SETBP1: variants seen among roughly 807,000 people sequenced by gnomAD.
The protein encoded by SETBP1 is SET-binding protein.
In SETBP1, 9 loss-of-function variants were observed where a neutral mutation model predicts 101.0. The observed-to-expected ratio is 0.09, with a 90% confidence interval of 0.05 to 0.16. The LOEUF (loss-of-function observed/expected upper bound fraction) is 0.16. SETBP1 is among the 10% of genes least tolerant of loss of function. The probability of loss-of-function intolerance (pLI) is 1.00; values close to 1 mark genes in which losing one functional copy is unlikely to be tolerated. For synonymous variants in SETBP1, 818 were observed against 788.5 expected, an observed-to-expected ratio of 1.04 and a Z score of -0.63; for missense variants, 1,858 against 2,033.8, an observed-to-expected ratio of 0.91 and a Z score of 1.66.
intron 2 of SETBP1, among the ~76,000 whole-genome samples, chr18:44,842,034 G>T (rs993768837): frequency 1.3e-5 from 2 of 152,214 alleles, no homozygotes; most frequent in African/African-American, 4.8e-5. Flanking sequence ...TGCCTCCCTG[G>T]CTGGGGATTT....
intron 2 of SETBP1, among the ~76,000 whole-genome samples, chr18:44,706,735 C>G (rs916262362): frequency 2.7e-5 from 4 of 150,564 alleles, no homozygotes; most frequent in Non-Finnish European, 4.4e-5. Context: ...GATTCAACAG[C>G]AAGATAAGGG....
chr18:45,018,275 A>G (rs2072990721), intron 4 of SETBP1, among the ~76,000 whole-genome samples: 2 of 152,236 alleles, frequency 1.3e-5, no homozygotes, highest in South Asian at 4.1e-4. Flanking sequence ...CTTATTTATA[A>G]TATTTATAGA....
intron 5 of SETBP1, among the ~76,000 whole-genome samples, chr18:45,042,076 A>G (rs941113008): frequency 2.0e-5 from 3 of 151,962 alleles, no homozygotes; most frequent in African/African-American, 7.3e-5. Context: ...GAGAGGCAGT[A>G]GCTGTATGCT....
intron 1 of SETBP1, among the ~76,000 whole-genome samples, chr18:44,688,466 G>T (rs948511959): frequency 1.3e-5 from 2 of 151,708 alleles, no homozygotes; most frequent in African/African-American, 4.8e-5. Flanking sequence ...TTTGAGCAAT[G>T]AGACCTTTGA....
chr18:44,711,862 A>C (rs1353528581), intron 2 of SETBP1, among the ~76,000 whole-genome samples: 1 of 151,832 alleles, frequency 6.6e-6, no homozygotes, highest in Non-Finnish European at 1.5e-5. Flanking sequence ...GCACTTCACC[A>C]TTTTCCATAA....
intron 4 of SETBP1, among the ~76,000 whole-genome samples, chr18:44,965,793 G>GA (rs2071710065): frequency 6.6e-6 from 1 of 152,160 alleles, no homozygotes. Flanking sequence ...TCTTATAGAG[G>GA]AGAATTCTGT....
At chr18:44,795,082 A>G (rs946926917) in intron 2 of SETBP1, among the ~76,000 whole-genome samples, 6 of 152,228 alleles carry the variant, frequency 3.9e-5, no homozygotes, top group Non-Finnish European at 7.3e-5. Flanking sequence ...TAAGTGCAAT[A>G]AATCTAGTAT....
chr18:44,961,024 C>T (rs576197051), intron 4 of SETBP1, among the ~76,000 whole-genome samples: 25 of 152,176 alleles, frequency 1.6e-4, no homozygotes, highest in Non-Finnish European at 1.8e-4. Flanking sequence ...GAAATCAGAG[C>T]GGAAACCCAG....
chr18:44,937,708 G>A (rs957993127), intron 3 of SETBP1, among the ~76,000 whole-genome samples: 1 of 152,070 alleles, frequency 6.6e-6, no homozygotes, highest in East Asian at 1.9e-4. Context: ...CTCCACCTGG[G>A]AGCTTATTAG....
At chr18:44,723,967 G>A (rs748258896) in intron 2 of SETBP1, among the ~76,000 whole-genome samples, 44 of 152,152 alleles carry the variant, frequency 2.9e-4, no homozygotes, top group Non-Finnish European at 4.4e-4. Flanking sequence ...CGTTTTTAAC[G>A]AGCCAAGAGA....
At chr18:44,817,513 A>G (rs563598889) in intron 2 of SETBP1, among the ~76,000 whole-genome samples, 41 of 151,842 alleles carry the variant, frequency 2.7e-4, no homozygotes, top group Non-Finnish European at 5.6e-4. Context: ...GTGAAACCCC[A>G]TCTCTACTAA....
At chr18:44,911,985 T>G (rs2070321323) in intron 3 of SETBP1, among the ~76,000 whole-genome samples, 1 of 151,806 alleles carries the variant, frequency 6.6e-6, no homozygotes, top group Non-Finnish European at 1.5e-5. Context: ...AGGCAGTAGG[T>G]GACAATTAAT....
At chr18:45,010,788 A>G (rs930630472) in intron 4 of SETBP1, among the ~76,000 whole-genome samples, 2 of 152,192 alleles carry the variant, frequency 1.3e-5, no homozygotes, top group Non-Finnish European at 2.9e-5. Context: ...CCTTACGACA[A>G]CTCTGTAAAG....
At chr18:44,692,178 A>G (rs1202455246) in intron 1 of SETBP1, among the ~76,000 whole-genome samples, 1 of 152,232 alleles carries the variant, frequency 6.6e-6, no homozygotes, top group Non-Finnish European at 1.5e-5. Flanking sequence ...ACTTAGTCAA[A>G]TGCTAGCTTG....
At chr18:44,781,507 C>A (rs11876680) in intron 2 of SETBP1, among the ~76,000 whole-genome samples, 13,335 of 148,980 alleles carry the variant, frequency 0.09, 667 homozygotes, top group East Asian at 0.23. Flanking sequence ...CTCTCCCCCC[C>A]ACCCCCACCT....
chr18:44,752,126 G>GA (rs144885612), intron 2 of SETBP1, among the ~76,000 whole-genome samples: 4,064 of 151,980 alleles, frequency 0.027, 74 homozygotes, highest in Non-Finnish European at 0.042. Flanking sequence ...TAAATACAGG[G>GA]AAAAAAATAA....
chr18:44,902,227 TC>T (rs2070064727), intron 3 of SETBP1, among the ~76,000 whole-genome samples: 1 of 41,634 alleles, frequency 2.4e-5, no homozygotes, highest in African/African-American at 1.2e-4. Context: ...CATATATCTC[TC>T]TCTTTCTCTC....
At chr18:45,048,619 C>A (rs1267747192) in intron 5 of SETBP1, among the ~76,000 whole-genome samples, 1 of 152,040 alleles carries the variant, frequency 6.6e-6, no homozygotes, top group Admixed American at 6.6e-5. Context: ...TAAAAATTGT[C>A]AACCTTTTTT....
chr18:44,800,837 T>A (rs1599145340), intron 2 of SETBP1, among the ~76,000 whole-genome samples: 2 of 152,300 alleles, frequency 1.3e-5, no homozygotes, highest in African/African-American at 4.8e-5. Flanking sequence ...ACACGTATGT[T>A]TATTGCGGCA....
Sources: gnomAD v4.1 joint callset for allele counts (sites outside exome capture counted in the v4.1 genomes callset) on GRCh38, gnomAD v4.1.1 for gene constraint, MANE v1.5 for transcripts, NCBI Gene and HGNC (gene_info 2026-07-23, HGNC 2026-07-21) for gene names.